Variants in MAML3 observed in about 807,000 individuals in gnomAD.
MAML3 encodes the protein mastermind like transcriptional coactivator 3.
MAML3 carries 27 observed loss-of-function variants against 101.9 expected under a neutral mutation model. The observed-to-expected ratio is 0.27, with a 90% confidence interval of 0.20 to 0.37. MAML3 has a LOEUF of 0.37. Among genes scored for constraint, MAML3 ranks in the 10% least tolerant of loss-of-function variants. The pLI, the probability that MAML3 is intolerant of heterozygous loss-of-function variation, is 1.00. For missense variants in MAML3, 1,316 were observed against 1,444.9 expected, an observed-to-expected ratio of 0.91 and a Z score of 1.45; for synonymous variants, 501 against 555.9, an observed-to-expected ratio of 0.90 and a Z score of 1.39.
chr4:140,054,861 T>C (rs1399477686), intron 1 of MAML3, among the ~76,000 whole-genome samples: 1 of 152,238 alleles, frequency 6.6e-6, no homozygotes, highest in Non-Finnish European at 1.5e-5. Flanking sequence ...GGTCAACCTA[T>C]GCTAAAACAC....
intron 1 of MAML3, chr4:140,133,233 T>C (rs1463818159): frequency 5.9e-6 from 2 of 340,742 alleles, no homozygotes; most frequent in Non-Finnish European, 1.2e-5. Flanking sequence ...TATGTAACTC[T>C]TTCCTGAACC....
At chr4:139,728,610 C>T (rs960866919) in intron 3 of MAML3, among the ~76,000 whole-genome samples, 2 of 152,196 alleles carry the variant, frequency 1.3e-5, no homozygotes, top group Admixed American at 6.5e-5. Flanking sequence ...CATCCCTCAT[C>T]ATCTTTTGGT....
intron 1 of MAML3, among the ~76,000 whole-genome samples, chr4:140,122,441 G>A (rs891583520): frequency 4.6e-5 from 7 of 151,926 alleles, no homozygotes; most frequent in African/African-American, 1.7e-4. Flanking sequence ...AGGCTGGTAT[G>A]GAACTCCTGA....
intron 2 of MAML3, chr4:139,740,243 C>G (rs560154223): frequency 2.2e-4 from 34 of 152,344 alleles, no homozygotes; most frequent in African/African-American, 7.5e-4. Flanking sequence ...CCAGAACCAG[C>G]CAGACCTTTG....
chr4:139,808,552 T>A (rs1730739203), intron 2 of MAML3, among the ~76,000 whole-genome samples: 1 of 152,158 alleles, frequency 6.6e-6, no homozygotes, highest in South Asian at 2.1e-4. Flanking sequence ...TGACCACATC[T>A]CAGTTCTCAC....
chr4:140,016,338 T>A (rs6853023), intron 1 of MAML3, among the ~76,000 whole-genome samples: 3,445 of 152,250 alleles, frequency 0.023, 133 homozygotes, highest in African/African-American at 0.078. Context: ...GAAGACAACA[T>A]AGTAAGATGT....
chr4:139,777,488 T>G (rs1356160779), intron 2 of MAML3, among the ~76,000 whole-genome samples: 1 of 152,212 alleles, frequency 6.6e-6, no homozygotes, highest in Non-Finnish European at 1.5e-5. Context: ...GAACCTTATA[T>G]TCTCCTTCAA....
chr4:139,964,014 T>C (rs544669764), intron 1 of MAML3, among the ~76,000 whole-genome samples: 1 of 152,324 alleles, frequency 6.6e-6, no homozygotes, highest in South Asian at 2.1e-4. Flanking sequence ...CTGAAAAACA[T>C]ATTTTTACAG....
chr4:139,723,406 G>A (rs1157197614), intron 4 of MAML3, among the ~76,000 whole-genome samples: 2 of 152,160 alleles, frequency 1.3e-5, no homozygotes, highest in Admixed American at 6.5e-5. Context: ...TGCCTCCTGA[G>A]TTCAAGCAAT....
intron 2 of MAML3, among the ~76,000 whole-genome samples, chr4:139,773,262 C>G (rs549611175): frequency 1.3e-5 from 2 of 152,216 alleles, no homozygotes; most frequent in African/African-American, 4.8e-5. Flanking sequence ...CTTCACATTG[C>G]CCTACCCAGT....
At chr4:140,092,028 A>G (rs1674861832) in intron 1 of MAML3, among the ~76,000 whole-genome samples, 1 of 150,046 alleles carries the variant, frequency 6.7e-6, no homozygotes, top group Middle Eastern at 3.3e-3. Context: ...CCATTGCTCT[A>G]TCTAGCTTAT....
At chr4:140,038,718 T>C (rs1727029462) in intron 1 of MAML3, among the ~76,000 whole-genome samples, 1 of 152,160 alleles carries the variant, frequency 6.6e-6, no homozygotes, top group African/African-American at 2.4e-5. Flanking sequence ...TAAGAGTTAG[T>C]CTACATAAAA....
intron 1 of MAML3, among the ~76,000 whole-genome samples, chr4:139,900,348 TC>T (rs1732693109): frequency 6.6e-6 from 1 of 152,216 alleles, no homozygotes; most frequent in African/African-American, 2.4e-5. Flanking sequence ...TATGTTTTTA[TC>T]CTTTAATTAT....
intron 2 of MAML3, among the ~76,000 whole-genome samples, chr4:139,870,740 C>T (rs936578338): frequency 2.0e-5 from 3 of 152,184 alleles, no homozygotes; most frequent in Non-Finnish European, 4.4e-5. Flanking sequence ...CTCCTGGACT[C>T]AAGAGATCCT....
intron 2 of MAML3, among the ~76,000 whole-genome samples, chr4:139,796,949 G>A (rs1327166952): frequency 6.6e-6 from 1 of 152,130 alleles, no homozygotes; most frequent in Admixed American, 6.5e-5. Context: ...AGAGCCATAA[G>A]TAGGTTATTT....
At chr4:139,765,037 C>T (rs1412347564) in intron 2 of MAML3, among the ~76,000 whole-genome samples, 3 of 152,196 alleles carry the variant, frequency 2.0e-5, no homozygotes, top group African/African-American at 7.2e-5. Flanking sequence ...GGGACCAGTC[C>T]CCCAGGCTGG....
chr4:139,739,432 C>T (rs887845882), intron 2 of MAML3, among the ~76,000 whole-genome samples: 7 of 152,180 alleles, frequency 4.6e-5, no homozygotes, highest in South Asian at 2.1e-4. Flanking sequence ...TTATGCTTTT[C>T]GTCTGCCTTT....
At chr4:139,996,347 G>A (rs1220846564) in intron 1 of MAML3, among the ~76,000 whole-genome samples, 2 of 152,202 alleles carry the variant, frequency 1.3e-5, no homozygotes, top group African/African-American at 4.8e-5. Flanking sequence ...ATCAAATAGT[G>A]AGAGTGGGGT....
intron 1 of MAML3, among the ~76,000 whole-genome samples, chr4:139,910,928 G>A (rs539887808): frequency 1.3e-5 from 2 of 152,168 alleles, no homozygotes; most frequent in Admixed American, 6.5e-5. Context: ...ATTTCTAAGT[G>A]TACAGTTCGG....
Sources: allele counts gnomAD v4.1 joint callset (sites outside exome capture counted in the v4.1 genomes callset), GRCh38; gene constraint gnomAD v4.1.1; transcripts MANE v1.5; gene names NCBI Gene and HGNC (gene_info 2026-07-23, HGNC 2026-07-21).